MSH3: variants seen among roughly 807,000 people sequenced by gnomAD.
The protein encoded by MSH3 is DNA mismatch repair protein Msh3.
MSH3 carries 106 observed loss-of-function variants against 123.3 expected under a neutral mutation model. The ratio of observed to expected loss-of-function variants is 0.86; its 90% CI spans 0.73 to 1.01. The LOEUF (loss-of-function observed/expected upper bound fraction) is 1.01. MSH3 is among the 50% of genes least tolerant of loss of function. The pLI, the probability that MSH3 is intolerant of heterozygous loss-of-function variation, is 0.00. For synonymous variants in MSH3, 515 were observed against 481.4 expected (o/e 1.07, Z -0.91); for missense variants, 1,459 against 1,347.6 (o/e 1.08, Z -1.29).
At chr5:80,724,460 C>T (rs1743218207) in intron 8 of MSH3, among the ~76,000 whole-genome samples, 1 of 151,970 alleles carries the variant, frequency 6.6e-6, no homozygotes, top group African/African-American at 2.4e-5. Context: ...TCATTCTAGG[C>T]TGTTAACATG....
intron 22 of MSH3, among the ~76,000 whole-genome samples, chr5:80,865,880 C>T (rs1746089907): frequency 6.6e-6 from 1 of 152,220 alleles, no homozygotes; most frequent in African/African-American, 2.4e-5. Flanking sequence ...TAATGTTAGG[C>T]AGTTCCTGCT....
chr5:80,842,581 C>T (rs181719378), intron 20 of MSH3, among the ~76,000 whole-genome samples: 308 of 152,244 alleles, frequency 2.0e-3, no homozygotes, highest in African/African-American at 7.1e-3. Flanking sequence ...TCTTTTATTT[C>T]GTTGAGCAGC....
intron 8 of MSH3, among the ~76,000 whole-genome samples, chr5:80,693,491 A>G (rs1002542366): frequency 6.6e-6 from 1 of 150,598 alleles, no homozygotes; most frequent in Non-Finnish European, 1.5e-5. Flanking sequence ...ATAAATATGC[A>G]CATGTATATG....
rs6151727 is a variant in MSH3 at position 80,726,401 on chromosome 5, G to C, written c.1453+836G>C. Among the ~76,000 whole-genome samples, 1,424 of 152,320 alleles carry C rather than the reference G, an allele frequency of 9.3e-3. 20 individuals carry two copies. Among genetic ancestry groups the C allele is most frequent in the African/African-American group, 0.032 (1,315 of 41,570 alleles). ...CATTTCCTTGCATCTAGGCATCAGT[G>C]TCTTGTTAGCATGTCTCTTTAATTT... On this transcript the variant is annotated intron_variant, in intron 9 of 23. Transcript: ENST00000265081.
At chr5:80,872,820 A>C (rs1161020979) in intron 22 of MSH3, among the ~76,000 whole-genome samples, 1 of 152,214 alleles carries the variant, frequency 6.6e-6, no homozygotes, top group African/African-American at 2.4e-5. Flanking sequence ...AAAAGTAAAT[A>C]AATAAAAACA....
chr5:80,779,017 A>T (rs1309885211), intron 17 of MSH3, among the ~76,000 whole-genome samples, 181 bp downstream of exon 17: 2 of 130,372 alleles, frequency 1.5e-5, no homozygotes, highest in African/African-American at 5.9e-5. Context: ...TTTGATACTG[A>T]GTCTTGCTTT....
At chr5:80,690,863 T>G (rs1750227867) in intron 8 of MSH3, among the ~76,000 whole-genome samples, 1 of 152,158 alleles carries the variant, frequency 6.6e-6, no homozygotes, top group Non-Finnish European at 1.5e-5. Flanking sequence ...GTATATCACG[T>G]GTAGTAAGGG....
At chr5:80,834,200 G>A (rs1209205644) in intron 20 of MSH3, among the ~76,000 whole-genome samples, 1 of 152,122 alleles carries the variant, frequency 6.6e-6, no homozygotes, top group Non-Finnish European at 1.5e-5. Context: ...TCCTAATGCA[G>A]TGGCCTTCAA....
At chr5:80,779,917 TC>T (rs1225785764) in intron 17 of MSH3, among the ~76,000 whole-genome samples, 3 of 152,088 alleles carry the variant, frequency 2.0e-5, no homozygotes, top group Admixed American at 2.0e-4. Flanking sequence ...TTTCCCAATG[TC>T]CCCCCGCCAC....
intron 8 of MSH3, among the ~76,000 whole-genome samples, chr5:80,683,287 T>C (rs1483950166): frequency 6.6e-6 from 1 of 152,180 alleles, no homozygotes; most frequent in Admixed American, 6.5e-5. Context: ...TTTTTCAAAC[T>C]ACTCTCCATA....
At chr5:80,669,690 A>C (rs892596954) in intron 3 of MSH3, among the ~76,000 whole-genome samples, 2 of 152,222 alleles carry the variant, frequency 1.3e-5, no homozygotes, top group African/African-American at 4.8e-5. Flanking sequence ...TGCTTTGCTC[A>C]AAGTGGTTTT....
intron 12 of MSH3, among the ~76,000 whole-genome samples, chr5:80,761,150 A>G (rs548943687): frequency 1.3e-4 from 20 of 152,308 alleles, no homozygotes; most frequent in Non-Finnish European, 2.5e-4. Flanking sequence ...CCCGCAGACA[A>G]TTCGAAGGAG....
At chr5:80,727,019 G>A (rs1055768773) in intron 9 of MSH3, among the ~76,000 whole-genome samples, 1 of 152,220 alleles carries the variant, frequency 6.6e-6, no homozygotes, top group African/African-American at 2.4e-5. Flanking sequence ...TCAAGTGAGC[G>A]TAAGCGCCAC....
intron 20 of MSH3, among the ~76,000 whole-genome samples, chr5:80,837,681 A>G (rs757898307): frequency 5.3e-5 from 8 of 152,220 alleles, no homozygotes; most frequent in African/African-American, 7.2e-5. Flanking sequence ...TAGAACAAAG[A>G]TACTGTATTA....
intron 20 of MSH3, among the ~76,000 whole-genome samples, chr5:80,817,301 A>T (rs979567646): frequency 6.6e-6 from 1 of 152,196 alleles, no homozygotes; most frequent in African/African-American, 2.4e-5. Context: ...TGGTCTTAGC[A>T]AAATAGCTGT....
In MSH3 at chr5:80,761,579, A is replaced by G; in HGVS notation, c.1797A>G (p.Glu599=). The change falls in exon 13 of 24, where the codon GAA becomes GAG. Residue 599 remains glutamate, a synonymous_variant. Transcript: ENST00000265081. ...EINARLDAVS[E]VLHSESSVFG... is the part of the protein sequence containing the mutation. ...ATGCCCGGCTTGATGCTGTATCGGA[A>G]GTTCTCCATTCAGAATCTAGTGTGT... The G allele has an allele frequency of 1.2e-6, 2 of 1,614,104 alleles. No homozygotes were observed. Among genetic ancestry groups the G allele is most frequent in the South Asian group, 2.2e-5 (2 of 91,080 alleles).
intron 4 of MSH3, 26 bp downstream of exon 4, chr5:80,670,335 T>TA (rs746508586): frequency 4.1e-5 from 65 of 1,603,522 alleles, no homozygotes; most frequent in Non-Finnish European, 5.4e-5. Flanking sequence ...AGGCACTATT[T>TA]TATATTTTTC....
chr5:80,808,339 T>G (rs1744935286), intron 19 of MSH3, among the ~76,000 whole-genome samples: 1 of 152,204 alleles, frequency 6.6e-6, no homozygotes, highest in Non-Finnish European at 1.5e-5. Flanking sequence ...TGTTATGTTT[T>G]TCTATCTGGG....
At chr5:80,827,101 C>T (rs1403562680) in intron 20 of MSH3, among the ~76,000 whole-genome samples, 3 of 152,128 alleles carry the variant, frequency 2.0e-5, no homozygotes, top group Non-Finnish European at 4.4e-5. Flanking sequence ...TAAATCTCAT[C>T]TAGCCTTTTA....
Sources: gnomAD v4.1 joint callset for allele counts (sites outside exome capture counted in the v4.1 genomes callset) on GRCh38, gnomAD v4.1.1 for gene constraint, MANE v1.5 for transcripts, NCBI Gene and HGNC (gene_info 2026-07-23, HGNC 2026-07-21) for gene names.